Variants in DIS3L2 observed in about 807,000 individuals in gnomAD.
DIS3L2 encodes DIS3 like 3'-5' exoribonuclease 2, also known as DIS3-like exonuclease 2.
Under a neutral mutation model 97.5 loss-of-function variants are expected in DIS3L2, and 34 were observed. The observed-to-expected ratio is 0.35, with a 90% CI of 0.27 to 0.46. The LOEUF (loss-of-function observed/expected upper bound fraction) is 0.46. Ranked by LOEUF, DIS3L2 falls within the 20% of genes least tolerant of loss-of-function variation. The probability of loss-of-function intolerance (pLI) is 1.00; values close to 1 mark genes in which losing one functional copy is unlikely to be tolerated. For synonymous variants in DIS3L2, 435 were observed against 445.2 expected (o/e 0.98, Z 0.29); for missense variants, 1,038 against 1,146.0 (o/e 0.91, Z 1.36).
chr2:232,336,711 G>GT lies in DIS3L2; in HGVS notation c.*86dup, dbSNP rs373401005. 41 of 1,514,890 alleles carry GT rather than the reference G, an allele frequency of 2.7e-5. No individual in the cohort carries two copies. Among genetic ancestry groups the GT allele is most frequent in the Non-Finnish European group, 3.4e-5 (39 of 1,143,034 alleles). The allele number at this position is 1,514,890 out of a possible 1,614,324, so 93.8% of individuals were successfully genotyped here. A position where few individuals can be genotyped will look rare whatever the true frequency, so the allele number is the denominator to read the frequency against. On this transcript the variant is annotated 3_prime_UTR_variant, in exon 21 of 21. Transcript: ENST00000325385. Reference sequence around the variant, plus strand: ...TTAGGACCTGTTGACACGGAGGGGGGTTTTTAATTTGGTTTTTAACAACTC... The same window carrying GT: ...TTAGGACCTGTTGACACGGAGGGGGGTTTTTTAATTTGGTTTTTAACAACTC...
At chr2:232,262,414 C>T (rs1404549603) in intron 12 of DIS3L2, among the ~76,000 whole-genome samples, 1 of 152,148 alleles carries the variant, frequency 6.6e-6, no homozygotes, top group Non-Finnish European at 1.5e-5. Context: ...GTAATCCCAC[C>T]GCTCGGCTGG....
At chr2:232,138,774 C>G (rs1002737986) in intron 8 of DIS3L2, among the ~76,000 whole-genome samples, 7 of 152,028 alleles carry the variant, frequency 4.6e-5, no homozygotes, top group Non-Finnish European at 1.0e-4. Flanking sequence ...ATAAACTATC[C>G]CTAAAAATCA....
At chr2:232,019,726 G>A (rs1482505391) in intron 3 of DIS3L2, among the ~76,000 whole-genome samples, 2 of 151,898 alleles carry the variant, frequency 1.3e-5, no homozygotes, top group Admixed American at 6.6e-5. Flanking sequence ...AGCTCTGCAG[G>A]CATTAATTAA....
At chr2:232,258,515 C>T (rs554726313) in intron 12 of DIS3L2, among the ~76,000 whole-genome samples, 3 of 141,634 alleles carry the variant, frequency 2.1e-5, no homozygotes, top group South Asian at 2.4e-4. Context: ...ACCCGGGAGG[C>T]GGAGGTTGCA....
chr2:232,286,948 C>T (rs1694451531), intron 13 of DIS3L2, among the ~76,000 whole-genome samples: 1 of 151,932 alleles, frequency 6.6e-6, no homozygotes, highest in Non-Finnish European at 1.5e-5. Flanking sequence ...CCTGGCCTGT[C>T]ATTGGTTGTT....
intron 6 of DIS3L2, among the ~76,000 whole-genome samples, chr2:232,107,527 C>T (rs770963880): frequency 1.3e-4 from 19 of 151,946 alleles, no homozygotes; most frequent in Non-Finnish European, 2.1e-4. Context: ...GGTGAAACCC[C>T]GTCTCTACTA....
chr2:232,228,127 C>T (rs554951837), intron 10 of DIS3L2, among the ~76,000 whole-genome samples: 8 of 152,144 alleles, frequency 5.3e-5, no homozygotes, highest in East Asian at 1.9e-4. Flanking sequence ...CCACCAGGCC[C>T]GGCTAATTTT....
At position 232,334,391 on chromosome 2, in the gene DIS3L2, G is replaced by A. The variant is rs1553551756; in HGVS notation, c.2181G>A (p.Met727Ile). 6.2e-7 allele frequency: 1 copy of A among 1,613,638 alleles called. No homozygotes were observed. Among genetic ancestry groups the A allele is most frequent in the African/African-American group, 1.3e-5 (1 of 75,052 alleles). ...CAGGCTATAGGGAGCGACTAGACATGGCGCCCGATACCCTGCAGAAACAGG... is the reference window on the plus strand; with the variant it reads ...CAGGCTATAGGGAGCGACTAGACATAGCGCCCGATACCCTGCAGAAACAGG... ...AALGYRERLDMAPDTLQKQAD... is the reference protein window; with the variant it reads ...AALGYRERLDIAPDTLQKQAD... The change falls in exon 18 of 21, where the codon ATG (methionine) becomes ATA (isoleucine). Residue 727 changes from methionine to isoleucine, a missense_variant. By Grantham distance (10) the Met-to-Ile change is conservative. Around this residue, in one of 3 missense-constraint regions of DIS3L2, gnomAD observed 221 missense variants for 246.9 expected, o/e 0.90. Coordinates refer to ENST00000325385, the MANE Select transcript of DIS3L2 (RefSeq NM_152383.5).
chr2:232,026,944 C>T (rs867520185), intron 4 of DIS3L2, among the ~76,000 whole-genome samples: 3 of 151,938 alleles, frequency 2.0e-5, no homozygotes, highest in Admixed American at 6.6e-5. Context: ...CTGCTTGAGT[C>T]GTAATATTGT....
intron 6 of DIS3L2, among the ~76,000 whole-genome samples, chr2:232,117,229 C>A (rs1370693529): frequency 3.9e-5 from 6 of 152,196 alleles, no homozygotes; most frequent in Non-Finnish European, 8.8e-5. Context: ...CTCTGTTCAC[C>A]TCTCCATCAG....
At chr2:232,212,215 G>C (rs1309561575) in intron 10 of DIS3L2, among the ~76,000 whole-genome samples, 1 of 152,196 alleles carries the variant, frequency 6.6e-6, no homozygotes, top group Non-Finnish European at 1.5e-5. Context: ...TCGGCATATA[G>C]ACACCACTTC....
chr2:232,201,573 G>T (rs1207602092), intron 9 of DIS3L2, among the ~76,000 whole-genome samples: 3 of 152,238 alleles, frequency 2.0e-5, no homozygotes, highest in African/African-American at 7.2e-5. Context: ...TTAGATCCTG[G>T]ATCAGGAGGA....
chr2:232,305,233 G>A (rs766315001), intron 14 of DIS3L2, among the ~76,000 whole-genome samples: 8 of 151,924 alleles, frequency 5.3e-5, no homozygotes, highest in East Asian at 3.9e-4. Flanking sequence ...GCACCACCAC[G>A]CAGGGCTAAT....
At chr2:232,054,533 C>T (rs1695491918) in intron 5 of DIS3L2, among the ~76,000 whole-genome samples, 1 of 152,092 alleles carries the variant, frequency 6.6e-6, no homozygotes. Flanking sequence ...AAAGAACAAC[C>T]AACCAGCCAT....
intron 10 of DIS3L2, among the ~76,000 whole-genome samples, chr2:232,233,095 G>C (rs1424274849): frequency 6.6e-6 from 1 of 152,204 alleles, no homozygotes; most frequent in South Asian, 2.1e-4. Flanking sequence ...GAGGTTATTA[G>C]TGACCTGGAC....
At chr2:232,084,296 A>T (rs1028648766) in intron 5 of DIS3L2, among the ~76,000 whole-genome samples, 4 of 152,138 alleles carry the variant, frequency 2.6e-5, no homozygotes, top group African/African-American at 9.7e-5. Context: ...TCTTATCCAA[A>T]ATAAGGTCCT....
intron 5 of DIS3L2, among the ~76,000 whole-genome samples, chr2:232,057,458 G>A (rs938481614): frequency 2.6e-5 from 4 of 152,126 alleles, no homozygotes; most frequent in Non-Finnish European, 5.9e-5. Flanking sequence ...TAAGTTAACC[G>A]TAAGAGAGAT....
At chr2:232,199,693 A>G (rs1013586833) in intron 9 of DIS3L2, among the ~76,000 whole-genome samples, 1 of 152,232 alleles carries the variant, frequency 6.6e-6, no homozygotes, top group Non-Finnish European at 1.5e-5. Context: ...AAATGTATCT[A>G]TCTATATATG....
At chr2:232,313,153 A>G (rs890182056) in intron 14 of DIS3L2, among the ~76,000 whole-genome samples, 7 of 152,126 alleles carry the variant, frequency 4.6e-5, no homozygotes, top group African/African-American at 1.7e-4. Flanking sequence ...ATAGGCATTT[A>G]TGTCTTGTTC....
Sources: allele counts gnomAD v4.1 joint callset (sites outside exome capture counted in the v4.1 genomes callset), GRCh38; gene constraint gnomAD v4.1.1; regional missense constraint gnomAD v4.1.1; transcripts MANE v1.5; gene names NCBI Gene and HGNC (gene_info 2026-07-23, HGNC 2026-07-21).